Variants in TAF1L observed in about 807,000 individuals in gnomAD.
TAF1L encodes the protein TATA-box binding protein associated factor 1 like.
A neutral mutation model predicts 128.8 loss-of-function variants in TAF1L; 30 were observed. That is an observed-to-expected ratio of 0.23 (90% CI 0.17 to 0.32). The LOEUF (loss-of-function observed/expected upper bound fraction) is 0.32. Among genes scored for constraint, TAF1L ranks in the 10% least tolerant of loss-of-function variants. The pLI is 1.00. For missense variants in TAF1L, 2,099 were observed against 2,253.7 expected (o/e 0.93, Z 1.39); for synonymous variants, 764 against 790.7 (o/e 0.97, Z 0.57).
chr9:32,630,661 G>A lies in TAF1L; in HGVS notation c.4919C>T (p.Ala1640Val), dbSNP rs1478435419. The A allele has an allele frequency of 1.2e-6, 2 of 1,614,056 alleles. No homozygotes were observed. Among genetic ancestry groups the A allele is most frequent in the African/African-American group, 2.7e-5 (2 of 74,920 alleles). Residue 1640 changes from alanine to valine, a missense_variant, in exon 1 of 1, where the codon GCT becomes GTT. Ala to Val is a moderately conservative substitution (Grantham distance 64, BLOSUM62 0). Around this residue, in one of 4 missense-constraint regions of TAF1L, gnomAD observed 404 missense variants for 406.5 expected, o/e 0.99. Coordinates refer to ENST00000242310, the MANE Select transcript of TAF1L (RefSeq NM_153809.2). The part of the protein sequence containing the change: ...LTQLEKDICT[A>V]KEAALEEAEL... ...TGCTTCCTCCAAAGCTGCTTCTTTA[G>A]CTGTACAAATATCCTTCTCAAGTTG...
Position 32,632,801 on chromosome 9 carries a change from A to G in TAF1L, c.2779T>C (p.Phe927Leu). 6.2e-7 allele frequency: 1 copy of G among 1,614,238 alleles called. No individual in the cohort carries two copies. Among genetic ancestry groups the G allele is most frequent in the Non-Finnish European group, 8.5e-7 (1 of 1,180,044 alleles). ...LKDAGYGEKSFFAPEEENEED... is the reference protein window; with the variant it reads ...LKDAGYGEKSLFAPEEENEED... Reference sequence around the variant, plus strand: ...TCATTTTCTTCTTCTGGGGCAAAAAAGGATTTCTCACCATAGCCAGCATCC... The same window carrying G: ...TCATTTTCTTCTTCTGGGGCAAAAAGGGATTTCTCACCATAGCCAGCATCC... Residue 927 changes from phenylalanine to leucine, a missense_variant, in exon 1 of 1, where the codon TTT becomes CTT. By Grantham distance (22) the Phe-to-Leu change is conservative. This residue lies in a region of TAF1L where 1,213 missense variants were observed against 1,391.4 expected (regional missense o/e 0.87). Transcript: ENST00000242310. This position sits in a 1 kb window ranked among gnomAD's most constrained non-coding sequence, Gnocchi z 4.4.
In TAF1L at chr9:32,630,408, A is replaced by G. The variant is rs765026411; in HGVS notation, c.5172T>C (p.Asp1724=). Residue 1724 remains aspartate, a synonymous_variant, in exon 1 of 1, where the codon GAT becomes GAC. Coordinates refer to ENST00000242310, the MANE Select transcript of TAF1L (RefSeq NM_153809.2). The part of the protein sequence containing the change: ...EDSDVDVEGY[D]DEEEDGKPKP... ...TAGGTTTCCCATCCTCCTCCTCATC[A>G]TCATACCCTTCAACATCCACATCAG... The G allele has an allele frequency of 6.2e-6, 10 of 1,614,064 alleles. No homozygotes were observed. The highest frequency in any genetic ancestry group is 1.1e-5 in the South Asian group (1 of 91,080).
In TAF1L at chr9:32,633,769, C is replaced by T. The variant is rs140084525; in HGVS notation, c.1811G>A (p.Gly604Glu). The T allele has an allele frequency of 1.1e-4, 185 of 1,614,194 alleles. No homozygotes were observed. In the African/African-American group the frequency reaches 2.1e-3, roughly 19 times the overall value. The change falls in exon 1 of 1, where the codon GGA becomes GAA. Residue 604 changes from glycine to glutamate, a missense_variant. Transcript: ENST00000242310. Reference protein sequence around the residue: ...PKQQGLRGTFGGNIIQHSIPA... With the variant: ...PKQQGLRGTFEGNIIQHSIPA... ...AATTGAATGCTGGATAATATTCCCT[C>T]CAAAGGTGCCCCGAAGACCCTGTTG...
chr9:32,632,825 C>G lies in TAF1L; in HGVS notation c.2755G>C (p.Asp919His), dbSNP rs1349243745. The G allele has an allele frequency of 2.5e-6, 4 of 1,614,228 alleles. No individual in the cohort carries two copies. Among genetic ancestry groups the G allele is most frequent in the African/African-American group, 1.3e-5 (1 of 75,052 alleles). ...SMIAAKQRLK[D>H]AGYGEKSFFA... Reference sequence around the variant, plus strand: ...AAGGATTTCTCACCATAGCCAGCATCCTTCAGTCGTTGCTTTGCAGCTATC... The same window carrying G: ...AAGGATTTCTCACCATAGCCAGCATGCTTCAGTCGTTGCTTTGCAGCTATC... Residue 919 changes from aspartate to histidine, a missense_variant, in exon 1 of 1, where the codon GAT (aspartate) becomes CAT (histidine). By Grantham distance (81) the Asp-to-His change is moderately conservative. Coordinates refer to ENST00000242310, the MANE Select transcript of TAF1L (RefSeq NM_153809.2). This position sits in a 1 kb window ranked among gnomAD's most constrained non-coding sequence, Gnocchi z 4.4.
In TAF1L at chr9:32,631,572, C is replaced by G; in HGVS notation, c.4008G>C (p.Lys1336Asn). The change falls in exon 1 of 1, where the codon AAG becomes AAC. Residue 1336 changes from lysine to asparagine, a missense_variant. Lys to Asn is a moderately conservative substitution (Grantham distance 94). Coordinates refer to ENST00000242310, the MANE Select transcript of TAF1L (RefSeq NM_153809.2). This position sits in a 1 kb window ranked among gnomAD's most constrained non-coding sequence, Gnocchi z 4.1. ...CGAAGACAATTTTGGTCCCTTCAACCTTGATAAGTTCTTCATTATCATTAT... is the reference window on the plus strand; with the variant it reads ...CGAAGACAATTTTGGTCCCTTCAACGTTGATAAGTTCTTCATTATCATTAT... ...VIHNDNEELI[K>N]VEGTKIVFGK... 6.2e-7 allele frequency: 1 copy of G among 1,614,198 alleles called. No homozygotes were observed. Among genetic ancestry groups the G allele is most frequent in the Admixed American group, 1.7e-5 (1 of 60,032 alleles).
At position 32,630,724 on chromosome 9, in the gene TAF1L, C is replaced by G; in HGVS notation, c.4856G>C (p.Cys1619Ser). ...TKTAQEIVNI[C>S]YQTITEYDEH... ...ATCATACTCAGTAATTGTCTGGTAACAGATGTTCACAATCTCCTGAGCAGT... is the reference window on the plus strand; with the variant it reads ...ATCATACTCAGTAATTGTCTGGTAAGAGATGTTCACAATCTCCTGAGCAGT... Residue 1619 changes from cysteine (C) to serine (S), a missense_variant, in exon 1 of 1, where the codon TGT becomes TCT. Physicochemically the swap from Cys to Ser is moderately radical, Grantham distance 112 (BLOSUM62 -1). Coordinates refer to ENST00000242310, the MANE Select transcript of TAF1L (RefSeq NM_153809.2). 6.2e-7 allele frequency: 1 copy of G among 1,614,190 alleles called. No homozygotes were observed. The highest frequency in any genetic ancestry group is 8.5e-7 in the Non-Finnish European group (1 of 1,180,032).
At position 32,634,703 on chromosome 9, in the gene TAF1L, G is replaced by T; in HGVS notation, c.877C>A (p.Gln293Lys). The change falls in exon 1 of 1, where the codon CAG becomes AAG. Residue 293 changes from glutamine (Q) to lysine (K), a missense_variant. Around this residue, in one of 4 missense-constraint regions of TAF1L, gnomAD observed 473 missense variants for 429.6 expected, o/e 1.10. Coordinates refer to ENST00000242310, the MANE Select transcript of TAF1L (RefSeq NM_153809.2). ...KKHRELIQEE[Q>K]IQEVECSVES... ...ACTGAGCATTCCACCTCCTGGATCTGCTCTTCCTGTATCAGCTCACGATGC... is the reference window on the plus strand; with the variant it reads ...ACTGAGCATTCCACCTCCTGGATCTTCTCTTCCTGTATCAGCTCACGATGC... 6.2e-7 allele frequency: 1 copy of T among 1,614,158 alleles called. No homozygotes were observed. Among genetic ancestry groups the T allele is most frequent in the Non-Finnish European group, 8.5e-7 (1 of 1,180,036 alleles).
In TAF1L at chr9:32,634,948, T is replaced by C. The variant is rs1822563845; in HGVS notation, c.632A>G (p.Glu211Gly). 1 of 1,614,026 alleles carries C rather than the reference T, an allele frequency of 6.2e-7. No homozygotes were observed. Among genetic ancestry groups the C allele is most frequent in the African/African-American group, 1.3e-5 (1 of 74,918 alleles). Residue 211 changes from glutamate to glycine, a missense_variant, in exon 1 of 1, where the codon GAG (glutamate) becomes GGG (glycine). By Grantham distance (98) the Glu-to-Gly change is moderately conservative (BLOSUM62 -2). This residue lies in a region of TAF1L where 473 missense variants were observed against 429.6 expected (regional missense o/e 1.10). Transcript: ENST00000242310. ...DFSSYSDSES[E>G]MGPQEATQAE... ...CTGTGTTGCTTCCTGAGGTCCCATC[T>C]CAGATTCTGAATCAGAGTAACTACT...
Position 32,632,351 on chromosome 9 carries a change from G to A in TAF1L, c.3229C>T (p.His1077Tyr). ...CATTCCTCTTTGTAACGCTCTTGAT[G>A]CTCAGCCACAGAAAACCTTGATCCA... Reference protein sequence around the residue: ...ARGSRFSVAEHQERYKEECQR... With the variant: ...ARGSRFSVAEYQERYKEECQR... Residue 1077 changes from histidine to tyrosine, a missense_variant, in exon 1 of 1, where the codon CAT becomes TAT. By Grantham distance (83) the His-to-Tyr change is moderately conservative (BLOSUM62 2). Around this residue, in one of 4 missense-constraint regions of TAF1L, gnomAD observed 1,213 missense variants for 1,391.4 expected, o/e 0.87. Coordinates refer to ENST00000242310, the MANE Select transcript of TAF1L (RefSeq NM_153809.2). This position sits in a 1 kb window ranked among gnomAD's most constrained non-coding sequence, Gnocchi z 4.4. 6.2e-7 allele frequency: 1 copy of A among 1,614,132 alleles called. No homozygotes were observed. The highest frequency in any genetic ancestry group is 8.5e-7 in the Non-Finnish European group (1 of 1,180,030).
chr9:32,634,728 C>T lies in TAF1L; in HGVS notation c.852G>A (p.Lys284=). 2.5e-6 allele frequency: 4 copies of T among 1,614,224 alleles called. No homozygotes were observed. The highest frequency in any genetic ancestry group is 1.1e-5 in the South Asian group (1 of 91,082). ...VWRSARRKRK[K]HRELIQEEQI... is the part of the protein sequence containing the mutation. Reference sequence around the variant, plus strand: ...GCTCTTCCTGTATCAGCTCACGATGCTTCTTCCTCTTTCTCCGAGCACTCC... The same window carrying T: ...GCTCTTCCTGTATCAGCTCACGATGTTTCTTCCTCTTTCTCCGAGCACTCC... The change falls in exon 1 of 1, where the codon AAG becomes AAA. Residue 284 remains lysine, a synonymous_variant. Transcript: ENST00000242310.
chr9:32,635,531 C>T lies in TAF1L; in HGVS notation c.49G>A (p.Ala17Thr). The change falls in exon 1 of 1, where the codon GCC becomes ACC. Residue 17 changes from alanine (A) to threonine (T), a missense_variant. This residue lies in a region of TAF1L where 473 missense variants were observed against 429.6 expected (regional missense o/e 1.10). Coordinates refer to ENST00000242310, the MANE Select transcript of TAF1L (RefSeq NM_153809.2). ...LLLRAAATVT[A>T]AIMSDSDSEE... ...CTGTCCGAGTCTGACATGATGGCGG[C>T]AGTGACGGTAGCTGCTGCCCTCAGC... The T allele has an allele frequency of 6.2e-7, 1 of 1,614,068 alleles. No homozygotes were observed. The highest frequency in any genetic ancestry group is 8.5e-7 in the Non-Finnish European group (1 of 1,179,990).
At position 32,633,108 on chromosome 9, in the gene TAF1L, G is replaced by A; in HGVS notation, c.2472C>T (p.Asp824=). 5.6e-6 allele frequency: 9 copies of A among 1,614,194 alleles called. No homozygotes were observed. Among genetic ancestry groups the A allele is most frequent in the Non-Finnish European group, 6.8e-6 (8 of 1,180,036 alleles). ...GGCGGTAAATAAAAACCTGTAGAAA[G>A]TCTCGAATATGCATATTGGCCCTTC... ...NSRRANMHIR[D]FLQVFIYRLF... Residue 824 remains aspartate, a synonymous_variant, in exon 1 of 1, where the codon GAC becomes GAT. Transcript: ENST00000242310.
In TAF1L at chr9:32,635,203, G is replaced by C. The variant is rs773886475; in HGVS notation, c.377C>G (p.Thr126Arg). 2 of 1,614,054 alleles carry C rather than the reference G, an allele frequency of 1.2e-6. No homozygotes were observed. The highest frequency in any genetic ancestry group is 2.2e-5 in the South Asian group (2 of 91,066). ...AEDESQRHQQ[T>R]MGSLQPLYHS... Reference sequence around the variant, plus strand: ...GTAAAGGGGCTGCAAGCTCCCCATCGTCTGCTGGTGTCTTTGGCTTTCATC... The same window carrying C: ...GTAAAGGGGCTGCAAGCTCCCCATCCTCTGCTGGTGTCTTTGGCTTTCATC... The change falls in exon 1 of 1, where the codon ACG becomes AGG. Residue 126 changes from threonine (T) to arginine (R), a missense_variant. Transcript: ENST00000242310.
chr9:32,630,019 A>G lies in TAF1L; in HGVS notation c.*80T>C. 6.3e-7 allele frequency: 1 copy of G among 1,589,164 alleles called. No homozygotes were observed. The highest frequency in any genetic ancestry group is 1.2e-5 in the South Asian group (1 of 84,850). On this transcript the variant is annotated 3_prime_UTR_variant, in exon 1 of 1. Transcript: ENST00000242310. The stretch of plus-strand genomic sequence containing the variant: ...TTCAACTTGGGATCAGGCTCCTCAC[A>G]GCTCCCATAACTGATGTTGCTATCC...
chr9:32,631,264 A>G lies in TAF1L; in HGVS notation c.4316T>C (p.Ile1439Thr), dbSNP rs562973405. The change falls in exon 1 of 1, where the codon ATC (isoleucine) becomes ACC (threonine). Residue 1439 changes from isoleucine to threonine, a missense_variant. Ile to Thr is a moderately conservative substitution (Grantham distance 89). This residue lies in a region of TAF1L where 1,213 missense variants were observed against 1,391.4 expected (regional missense o/e 0.87). Transcript: ENST00000242310. This position sits in a 1 kb window ranked among gnomAD's most constrained non-coding sequence, Gnocchi z 4.1. ...TTGTAGGTCCATTGGCCGAGTGATG[A>G]TTTTGTAGTAGTCCTTTACAACCTT... ...NAKVVKDYYK[I>T]ITRPMDLQTL... is the part of the protein sequence containing the mutation. 1.7e-4 allele frequency: 270 copies of G among 1,614,082 alleles called. 3 individuals carry two copies. In the South Asian group the frequency reaches 2.8e-3, roughly 17 times the overall value.
In TAF1L at chr9:32,634,801, C is replaced by T. The variant is rs371073718; in HGVS notation, c.779G>A (p.Arg260His). ...FPEFRPGKVL[R>H]FLHLFGPGKN... Reference sequence around the variant, plus strand: ...CCCTGGTCCAAAAAGATGTAGGAAGCGTAACACTTTTCCAGGTCGAAATTC... The same window carrying T: ...CCCTGGTCCAAAAAGATGTAGGAAGTGTAACACTTTTCCAGGTCGAAATTC... The change falls in exon 1 of 1, where the codon CGC (arginine) becomes CAC (histidine). Residue 260 changes from arginine to histidine, a missense_variant. Physicochemically the swap from Arg to His is conservative, Grantham distance 29. Around this residue, in one of 4 missense-constraint regions of TAF1L, gnomAD observed 473 missense variants for 429.6 expected, o/e 1.10. Coordinates refer to ENST00000242310, the MANE Select transcript of TAF1L (RefSeq NM_153809.2). 1.7e-5 allele frequency: 28 copies of T among 1,614,156 alleles called. 1 individual carries two copies. Among genetic ancestry groups the T allele is most frequent in the South Asian group, 1.5e-4 (14 of 91,082 alleles).
At position 32,634,411 on chromosome 9, in the gene TAF1L, G is replaced by A; in HGVS notation, c.1169C>T (p.Thr390Ile). 3.7e-6 allele frequency: 6 copies of A among 1,614,170 alleles called. No homozygotes were observed. The highest frequency in any genetic ancestry group is 2.7e-5 in the African/African-American group (2 of 75,042). ...GFDYGFKLRK[T>I]QHEPVIKSRM... ...AGATTTTATCACAGGTTCATGTTGT[G>A]TCTTTCTCAGTTTGAAGCCATAGTC... The change falls in exon 1 of 1, where the codon ACA becomes ATA. Residue 390 changes from threonine (T) to isoleucine (I), a missense_variant. Around this residue, in one of 4 missense-constraint regions of TAF1L, gnomAD observed 1,213 missense variants for 1,391.4 expected, o/e 0.87. Transcript: ENST00000242310.
In TAF1L at chr9:32,633,086, G is replaced by T; in HGVS notation, c.2494C>A (p.Arg832Ser). 1 of 1,614,076 alleles carries T rather than the reference G, an allele frequency of 6.2e-7. No individual in the cohort carries two copies. Among genetic ancestry groups the T allele is most frequent in the Non-Finnish European group, 8.5e-7 (1 of 1,180,022 alleles). ...CGATCTTTACTCTTCCAGAAAAGGC[G>T]GTAAATAAAAACCTGTAGAAAGTCT... Reference protein sequence around the residue: ...IRDFLQVFIYRLFWKSKDRPR... With the variant: ...IRDFLQVFIYSLFWKSKDRPR... Residue 832 changes from arginine (R) to serine (S), a missense_variant, in exon 1 of 1, where the codon CGC becomes AGC. Arg to Ser is a moderately radical substitution (Grantham distance 110). Coordinates refer to ENST00000242310, the MANE Select transcript of TAF1L (RefSeq NM_153809.2).
rs919889213 is a variant in TAF1L, at chr9:32,635,178, G to A, written c.402C>T (p.Tyr134=). The part of the protein sequence containing the change: ...QQTMGSLQPL[Y]HSDYDEDDYD... Reference sequence around the variant, plus strand: ...AGTCATCTTCATCATAATCCGAGTGGTAAAGGGGCTGCAAGCTCCCCATCG... The same window carrying A: ...AGTCATCTTCATCATAATCCGAGTGATAAAGGGGCTGCAAGCTCCCCATCG... Residue 134 remains tyrosine (Y), a synonymous_variant, in exon 1 of 1, where the codon TAC becomes TAT. Coordinates refer to ENST00000242310, the MANE Select transcript of TAF1L (RefSeq NM_153809.2). 4 of 1,614,008 alleles carry A rather than the reference G, an allele frequency of 2.5e-6. No homozygotes were observed. Among genetic ancestry groups the A allele is most frequent in the African/African-American group, 2.7e-5 (2 of 74,888 alleles).
Sources: allele counts gnomAD v4.1 joint callset, GRCh38; gene constraint gnomAD v4.1.1; regional missense constraint gnomAD v4.1.1; non-coding constraint Gnocchi (gnomAD v3.1); transcripts MANE v1.5; gene names NCBI Gene and HGNC (gene_info 2026-07-23, HGNC 2026-07-21).